Variants in FYB2 observed in about 807,000 individuals in gnomAD.
The protein encoded by FYB2 is FYN-binding protein 2.
A neutral mutation model predicts 94.1 loss-of-function variants in FYB2; 103 were observed. The ratio of observed to expected loss-of-function variants is 1.09; its 90% CI spans 0.93 to 1.29. The LOEUF (loss-of-function observed/expected upper bound fraction) is 1.29, where lower values mean the gene tolerates loss of function less well. FYB2 is among the 50% of genes most tolerant of loss of function. The pLI is 0.00. For synonymous variants in FYB2, 293 were observed against 287.9 expected, an observed-to-expected ratio of 1.02 and a Z score of -0.18; for missense variants, 896 against 841.5, an observed-to-expected ratio of 1.06 and a Z score of -0.80.
chr1:56,721,919 A>AC (rs1644492246), intron 17 of FYB2, among the ~76,000 whole-genome samples: 1 of 152,092 alleles, frequency 6.6e-6, no homozygotes, highest in South Asian at 2.1e-4. Flanking sequence ...AGTGCCTGGC[A>AC]CAAGTGAGCT....
chr1:56,757,903 G>T (rs1645395633), intron 6 of FYB2, among the ~76,000 whole-genome samples: 1 of 149,942 alleles, frequency 6.7e-6, no homozygotes, highest in Non-Finnish European at 1.5e-5. Flanking sequence ...TCGAGTAGCT[G>T]GGACTACAGG....
intron 1 of FYB2, among the ~76,000 whole-genome samples, chr1:56,800,535 T>C (rs1193913146): frequency 1.3e-5 from 2 of 152,138 alleles, no homozygotes; most frequent in Admixed American, 6.5e-5. Context: ...ATCTGTCAGG[T>C]CACATGAGTA....
chr1:56,807,424 G>C (rs1451506399), intron 1 of FYB2, among the ~76,000 whole-genome samples: 2 of 152,170 alleles, frequency 1.3e-5, no homozygotes, highest in Admixed American at 1.3e-4. Flanking sequence ...GGTTTTACAG[G>C]TGTTAGATGT....
chr1:56,764,892 GAGA>G lies in FYB2; in HGVS notation c.1063+2934_1063+2936del, dbSNP rs546087133. ...TGTCTTCTCACTGTGCCCTCATATG[GAGA>G]AGAAGAAAGCAATCTTTATTGGGAT... is the stretch of plus-strand genomic sequence containing the variant. On this transcript the variant is annotated intron_variant, in intron 5 of 19. Transcript: ENST00000343433. 9.2e-5 allele frequency among the ~76,000 whole-genome samples: 14 copies of G among 152,282 alleles called. No individual in the cohort carries two copies. In the South Asian group the frequency reaches 2.7e-3, roughly 29 times the overall value.
chr1:56,746,333 T>A (rs892641989), intron 9 of FYB2, among the ~76,000 whole-genome samples: 2 of 152,044 alleles, frequency 1.3e-5, no homozygotes, highest in Non-Finnish European at 2.9e-5. Context: ...CTGATATTTT[T>A]AAATTTTTAT....
intron 9 of FYB2, among the ~76,000 whole-genome samples, chr1:56,746,137 C>T (rs1229503006): frequency 6.6e-6 from 1 of 151,586 alleles, no homozygotes; most frequent in Non-Finnish European, 1.5e-5. Flanking sequence ...ATTTATTGTC[C>T]GTCTCCTCTG....
chr1:56,757,675 T>TTTCCTTCCTTCCTTCCTTCCTTCC lies in FYB2; in HGVS notation c.1098+1040_1098+1041insGGAAGGAAGGAAGGAAGGAAGGAA, dbSNP rs765794124. 2.4e-3 allele frequency among the ~76,000 whole-genome samples: 238 copies of TTTCCTTCCTTCCTTCCTTCCTTCC among 98,958 alleles called. 5 individuals carry two copies. The highest frequency in any genetic ancestry group is 7.5e-3 in the East Asian group (19 of 2,538). 64.9% of individuals were successfully genotyped at this position (98,958 alleles called of 152,430 possible). On this transcript the variant is annotated intron_variant, in intron 6 of 19. Transcript: ENST00000343433. ...TTTCTTTCTTTTTCTTTCTTTCCTC[T>TTTCCTTCCTTCCTTCCTTCCTTCC]TTCCTTCCTTCCTTCTTTCTTTCTT...
chr1:56,814,323 C>G (rs1646833034), intron 1 of FYB2, among the ~76,000 whole-genome samples: 1 of 152,164 alleles, frequency 6.6e-6, no homozygotes, highest in South Asian at 2.1e-4. Flanking sequence ...TGGAGAAAAT[C>G]TGGCAGTAGA....
chr1:56,790,160 A>G (rs1646228179), intron 2 of FYB2, among the ~76,000 whole-genome samples: 1 of 152,222 alleles, frequency 6.6e-6, no homozygotes, highest in South Asian at 2.1e-4. Context: ...AGTTGACTAC[A>G]TGGGCCATTC....
rs980895692 is a variant in FYB2 at position 56,753,785 on chromosome 1, C to G, written c.1227+54G>C. 16 of 1,273,032 alleles carry G rather than the reference C, an allele frequency of 1.3e-5. No homozygotes were observed. The African/African-American group carries it at 2.2e-4, about 18-fold the overall frequency. The allele number at this position is 1,273,032 out of a possible 1,614,324, so 78.9% of individuals were successfully genotyped here. On this transcript the variant is annotated intron_variant, in intron 8 of 19. Transcript: ENST00000343433. ...TCTCTCAGGCCATATAAAGTCACCCCCATGAACTGATCTGTTATATGTCTA... is the reference window on the plus strand; with the variant it reads ...TCTCTCAGGCCATATAAAGTCACCCGCATGAACTGATCTGTTATATGTCTA...
chr1:56,778,040 A>T (rs1009678028), intron 4 of FYB2, among the ~76,000 whole-genome samples: 1 of 152,078 alleles, frequency 6.6e-6, no homozygotes. Context: ...CTGTACTACC[A>T]TTCTCTTCCT....
intron 15 of FYB2, among the ~76,000 whole-genome samples, chr1:56,732,411 C>G (rs146414703): frequency 6.6e-6 from 1 of 152,252 alleles, no homozygotes; most frequent in Non-Finnish European, 1.5e-5. Flanking sequence ...TTACCCAAGG[C>G]AATCTACAGA....
chr1:56,725,942 AAGT>A (rs1461458909), intron 16 of FYB2, among the ~76,000 whole-genome samples: 1 of 152,062 alleles, frequency 6.6e-6, no homozygotes, highest in African/African-American at 2.4e-5. Context: ...AGAGAGCAGT[AAGT>A]AACCACCTGC....
At chr1:56,745,375 C>A (rs1378078663) in intron 9 of FYB2, among the ~76,000 whole-genome samples, 1 of 151,976 alleles carries the variant, frequency 6.6e-6, no homozygotes, top group Non-Finnish European at 1.5e-5. Context: ...AAACCAAAAT[C>A]ATAATTTCTC....
intron 16 of FYB2, 86 bp from the exon 17 acceptor site, chr1:56,723,767 A>T (rs1644532094): frequency 2.8e-6 from 2 of 717,520 alleles, no homozygotes; most frequent in Non-Finnish European, 4.6e-6. Context: ...TCATTTCAGG[A>T]TAAATTCAGG....
At chr1:56,781,816 T>C (rs1005296207) in intron 4 of FYB2, among the ~76,000 whole-genome samples, 6 of 152,196 alleles carry the variant, frequency 3.9e-5, no homozygotes, top group Non-Finnish European at 8.8e-5. Context: ...CACTGCACTT[T>C]AGCCAAGATT....
chr1:56,804,053 A>G (rs1646582059), intron 1 of FYB2, among the ~76,000 whole-genome samples: 1 of 152,208 alleles, frequency 6.6e-6, no homozygotes, highest in African/African-American at 2.4e-5. Flanking sequence ...TTGAGTGCTT[A>G]CTGTGAGGCC....
At chr1:56,811,640 ATTGC>A (rs1442708377) in intron 1 of FYB2, among the ~76,000 whole-genome samples, 2 of 152,214 alleles carry the variant, frequency 1.3e-5, no homozygotes, top group African/African-American at 4.8e-5. Flanking sequence ...AGAGAAATGT[ATTGC>A]CTTACACAGG....
At chr1:56,814,907 CA>C (rs1001242639) in intron 1 of FYB2, among the ~76,000 whole-genome samples, 3 of 152,160 alleles carry the variant, frequency 2.0e-5, no homozygotes, top group Admixed American at 6.5e-5. Flanking sequence ...TGGGTTCTGT[CA>C]AAAATAAGCC....
Sources: allele counts gnomAD v4.1 joint callset (sites outside exome capture counted in the v4.1 genomes callset), GRCh38; gene constraint gnomAD v4.1.1; transcripts MANE v1.5; gene names NCBI Gene and HGNC (gene_info 2026-07-23, HGNC 2026-07-21).